AP3B2: variants seen among roughly 807,000 people sequenced by gnomAD.
AP3B2 encodes adaptor related protein complex 3 subunit beta 2, also known as AP-3 complex subunit beta-2.
AP3B2 carries 50 observed loss-of-function variants against 126.9 expected under a neutral mutation model. That is an observed-to-expected ratio of 0.39 (90% confidence interval 0.31 to 0.50). AP3B2 has a LOEUF of 0.50. Among genes scored for constraint, AP3B2 ranks in the 20% least tolerant of loss-of-function variants. The pLI, the probability that AP3B2 is intolerant of heterozygous loss-of-function variation, is 0.79. For synonymous variants in AP3B2, 541 were observed against 565.0 expected (o/e 0.96, Z 0.60); for missense variants, 1,177 against 1,426.4 (o/e 0.83, Z 2.82).
Position 82,689,304 on chromosome 15 carries a change from A to G in AP3B2, c.190-72T>C, listed in dbSNP as rs2048483788. 2.5e-6 allele frequency: 4 copies of G among 1,611,848 alleles called. No individual in the cohort carries two copies. In the African/African-American group the frequency reaches 4.0e-5, roughly 16 times the overall value. On this transcript the variant is annotated intron_variant, in intron 2 of 26. Coordinates refer to ENST00000535359, the MANE Select transcript of AP3B2 (RefSeq NM_001278512.2). ...ACAGCACTAACTAGAGGGAAGGTCT[A>G]CAAGGAGCTAAGGAGAGCTGCTCTT... is the stretch of plus-strand genomic sequence containing the variant.
At chr15:82,690,391 T>C (rs576641546) in intron 1 of AP3B2, among the ~76,000 whole-genome samples, 49 of 152,118 alleles carry the variant, frequency 3.2e-4, no homozygotes, top group Non-Finnish European at 6.5e-4. Context: ...CTCCTAATGC[T>C]ATCCCTCCCT....
At chr15:82,684,024 G>A (rs977947202) in intron 4 of AP3B2, among the ~76,000 whole-genome samples, 1 of 152,194 alleles carries the variant, frequency 6.6e-6, no homozygotes, top group African/African-American at 2.4e-5. Context: ...TCCATTTATA[G>A]AGCACAGGCA....
intron 21 of AP3B2, 105 bp from the exon 22 acceptor site, chr15:82,663,338 G>A (rs748484490): frequency 3.8e-6 from 4 of 1,050,206 alleles, no homozygotes; most frequent in Non-Finnish European, 4.3e-6. Context: ...TGGACAGCGG[G>A]GCACATGGCT....
At position 82,688,762 on chromosome 15, in the gene AP3B2, T is replaced by G; in HGVS notation, c.334A>C (p.Ile112Leu). Residue 112 changes from isoleucine (I) to leucine (L), a missense_variant, in exon 4 of 27, where the codon ATC (isoleucine) becomes CTC (leucine). Around this residue, in one of 5 missense-constraint regions of AP3B2, gnomAD observed 130 missense variants for 262.0 expected, o/e 0.50. Coordinates refer to ENST00000535359, the MANE Select transcript of AP3B2 (RefSeq NM_001278512.2). The part of the protein sequence containing the change: ...EEQQDLALLS[I>L]STFQRGLKDP... ...TTTAGGCCACGTTGGAAGGTGGAGA[T>G]GGACAGCAGGGCCAGGTCTTGCTGC... 1 of 1,612,976 alleles carries G rather than the reference T, an allele frequency of 6.2e-7. No individual in the cohort carries two copies. Among genetic ancestry groups the G allele is most frequent in the Non-Finnish European group, 8.5e-7 (1 of 1,179,508 alleles).
intron 14 of AP3B2, among the ~76,000 whole-genome samples, chr15:82,675,832 C>T (rs1315980268): frequency 6.6e-6 from 1 of 152,154 alleles, no homozygotes; most frequent in African/African-American, 2.4e-5. Context: ...TGTTTGATGT[C>T]CCTGACACCT....
chr15:82,675,565 G>C (rs992688978), intron 14 of AP3B2, among the ~76,000 whole-genome samples: 1 of 152,196 alleles, frequency 6.6e-6, no homozygotes, highest in African/African-American at 2.4e-5. Context: ...TTGCTTCAAG[G>C]ATTGGCAGAG....
chr15:82,662,953 T>TGAGCAA, intron 22 of AP3B2, 31 bp from the exon 23 acceptor site: 1 of 1,594,660 alleles, frequency 6.3e-7, no homozygotes, highest in Non-Finnish European at 8.5e-7. Flanking sequence ...AGGACAGAAC[T>TGAGCAA]GAGCAAGATG....
At position 82,676,343 on chromosome 15, in the gene AP3B2, ATTC is replaced by A. The variant is rs1455008917; in HGVS notation, c.1665+115_1665+117del. 12 of 1,105,270 alleles carry A rather than the reference ATTC, an allele frequency of 1.1e-5. No homozygotes were observed. In the East Asian group the frequency reaches 2.5e-4, roughly 23 times the overall value. The allele number at this position is 1,105,270 out of a possible 1,614,324, so 68.5% of individuals were successfully genotyped here. A position where few individuals can be genotyped will look rare whatever the true frequency, so the allele number is the denominator to read the frequency against. On this transcript the variant is annotated intron_variant, in intron 14 of 26. Coordinates refer to ENST00000535359, the MANE Select transcript of AP3B2 (RefSeq NM_001278512.2). Reference sequence around the variant, plus strand: ...GTGGGCAGACCAGCCACCTTCCCTGATTCTTCTTTTCCAAAATAGGAGCTAGAG... The same window carrying A: ...GTGGGCAGACCAGCCACCTTCCCTGATTCTTTTCCAAAATAGGAGCTAGAG...
At chr15:82,678,808 TC>T (rs1246765749) in intron 10 of AP3B2, among the ~76,000 whole-genome samples, 1 of 152,156 alleles carries the variant, frequency 6.6e-6, no homozygotes, top group Non-Finnish European at 1.5e-5. Context: ...TGTCTCCTCC[TC>T]CCCACATCTG....
intron 14 of AP3B2, 141 bp downstream of exon 14, chr15:82,676,319 TG>T: frequency 1.2e-6 from 1 of 824,064 alleles, no homozygotes; most frequent in Non-Finnish European, 1.9e-6. Context: ...ATTGGTTATG[TG>T]GGCAGACCAG....
At chr15:82,692,113 C>T in intron 1 of AP3B2, 1 of 1,494,458 alleles carries the variant, frequency 6.7e-7, no homozygotes, top group East Asian at 2.3e-5. Context: ...ACCCCGACTT[C>T]GTAAGTCCTG....
intron 1 of AP3B2, among the ~76,000 whole-genome samples, chr15:82,705,369 C>T (rs376217838): frequency 5.9e-5 from 9 of 152,160 alleles, no homozygotes; most frequent in Non-Finnish European, 1.3e-4. Context: ...ACAAGTCTTA[C>T]AATTAGTTCA....
rs377211307 is a variant in AP3B2, at chr15:82,680,277, A to G, written c.1056-48T>C. On this transcript the variant is annotated intron_variant, in intron 8 of 26. Transcript: ENST00000535359. This position sits in a 1 kb window ranked among gnomAD's most constrained non-coding sequence, Gnocchi z 6.1. ...CACCCCGGGCCCCTCGGTTGGGGCA[A>G]GGGTCAGCGGATGAGGGGAAAAGGT... 3.1e-6 allele frequency: 5 copies of G among 1,611,826 alleles called. No homozygotes were observed. Among genetic ancestry groups the G allele is most frequent in the Non-Finnish European group, 4.2e-6 (5 of 1,179,036 alleles).
At chr15:82,707,953 C>G (rs1216065331) in intron 1 of AP3B2, among the ~76,000 whole-genome samples, 1 of 152,134 alleles carries the variant, frequency 6.6e-6, no homozygotes, top group African/African-American at 2.4e-5. Context: ...CCACCCCCCG[C>G]CAAAATGTTT....
chr15:82,690,820 C>T (rs1402597859), intron 1 of AP3B2, among the ~76,000 whole-genome samples: 1 of 151,678 alleles, frequency 6.6e-6, no homozygotes. Flanking sequence ...CCACGCCCAG[C>T]TAATTGTTTG....
intron 4 of AP3B2, chr15:82,685,165 A>G (rs2048404967): frequency 6.6e-6 from 1 of 152,240 alleles, no homozygotes; most frequent in Non-Finnish European, 1.5e-5. Flanking sequence ...GTAACATCAA[A>G]GATCACTGAT....
At chr15:82,683,186 G>C (rs1032597037) in intron 4 of AP3B2, among the ~76,000 whole-genome samples, 2 of 150,492 alleles carry the variant, frequency 1.3e-5, no homozygotes, top group Non-Finnish European at 3.0e-5. Flanking sequence ...AGCCTCCCGA[G>C]TAGCTGGGAC....
chr15:82,677,536 C>A, intron 12 of AP3B2, 135 bp downstream of exon 12: 1 of 1,398,046 alleles, frequency 7.2e-7, no homozygotes, highest in Non-Finnish European at 9.7e-7. Context: ...ACACTTGGGC[C>A]CTGATCAAGA....
chr15:82,698,092 C>T (rs2151458111), intron 1 of AP3B2: 1 of 152,550 alleles, frequency 6.6e-6, no homozygotes, highest in South Asian at 2.1e-4. Flanking sequence ...TGATACCACC[C>T]ACATATACCT....
Sources: gnomAD v4.1 joint callset for allele counts (sites outside exome capture counted in the v4.1 genomes callset) on GRCh38, gnomAD v4.1.1 for gene constraint, gnomAD v4.1.1 regional missense constraint, Gnocchi (gnomAD v3.1) non-coding constraint, MANE v1.5 for transcripts, NCBI Gene and HGNC (gene_info 2026-07-23, HGNC 2026-07-21) for gene names.